The following METTL8 variants were observed in gnomAD, a reference collection of about 807,000 sequenced individuals.
The protein encoded by METTL8 is tRNA N(3)-cytidine methyltransferase METTL8, mitochondrial.
Under a neutral mutation model 48.7 loss-of-function variants are expected in METTL8, and 32 were observed. That is an observed-to-expected ratio of 0.66 (90% CI 0.50 to 0.88). The LOEUF is 0.88. Among genes scored for constraint, METTL8 ranks in the 40% least tolerant of loss-of-function variants. The pLI is 0.00. For synonymous variants in METTL8, 136 were observed against 157.1 expected, an observed-to-expected ratio of 0.87 and a Z score of 1.01; for missense variants, 464 against 474.4, an observed-to-expected ratio of 0.98 and a Z score of 0.20.
chr2:171,393,086 A>G (rs1161081417), intron 1 of METTL8, among the ~76,000 whole-genome samples: 1 of 152,078 alleles, frequency 6.6e-6, no homozygotes. Context: ...CCTGGGCAAC[A>G]GAATAAGACT....
At chr2:171,348,338 A>G (rs1219868041) in intron 3 of METTL8, among the ~76,000 whole-genome samples, 2 of 152,206 alleles carry the variant, frequency 1.3e-5, no homozygotes, top group East Asian at 3.8e-4. Context: ...TCTTTGTTGC[A>G]ACTACTCAAC....
At chr2:171,426,824 C>T (rs971990140) in intron 1 of METTL8, among the ~76,000 whole-genome samples, 22 of 152,182 alleles carry the variant, frequency 1.4e-4, no homozygotes, top group Non-Finnish European at 2.6e-4. Flanking sequence ...TCTTATATTT[C>T]ACTCTTGTTC....
intron 2 of METTL8, among the ~76,000 whole-genome samples, chr2:171,375,834 C>T (rs1686909513): frequency 6.6e-6 from 1 of 152,172 alleles, no homozygotes; most frequent in Admixed American, 6.5e-5. Flanking sequence ...TCTGTTTATA[C>T]AAAATATTGG....
chr2:171,324,934 T>C (rs1684778623), intron 9 of METTL8, among the ~76,000 whole-genome samples: 1 of 151,808 alleles, frequency 6.6e-6, no homozygotes, highest in Non-Finnish European at 1.5e-5. Context: ...TGAAACCCCT[T>C]CTCTAATAAA....
chr2:171,374,605 A>G (rs1481739979), intron 2 of METTL8, among the ~76,000 whole-genome samples: 1 of 152,102 alleles, frequency 6.6e-6, no homozygotes, highest in Admixed American at 6.5e-5. Flanking sequence ...GAACATGTCC[A>G]TTCCCTTCAA....
chr2:171,397,535 CAG>C (rs139587398), intron 1 of METTL8, among the ~76,000 whole-genome samples: 5,566 of 106,444 alleles, frequency 0.052, 175 homozygotes, highest in South Asian at 0.16. Flanking sequence ...TTCTGGGCGA[CAG>C]AGCAAAACCC....
At chr2:171,378,764 C>T (rs1687223990) in intron 2 of METTL8, among the ~76,000 whole-genome samples, 1 of 152,184 alleles carries the variant, frequency 6.6e-6, no homozygotes, top group South Asian at 2.1e-4. Flanking sequence ...AAAACAAGTT[C>T]TTAGAGACCT....
At chr2:171,359,467 G>A (rs935127550) in intron 3 of METTL8, among the ~76,000 whole-genome samples, 2 of 152,070 alleles carry the variant, frequency 1.3e-5, no homozygotes, top group African/African-American at 4.8e-5. Context: ...TTTCCTCAAA[G>A]AAGTAAAAAT....
intron 3 of METTL8, among the ~76,000 whole-genome samples, chr2:171,349,878 TATAA>T (rs1683697356): frequency 6.6e-6 from 1 of 152,214 alleles, no homozygotes; most frequent in Non-Finnish European, 1.5e-5. Flanking sequence ...ATATAATAGA[TATAA>T]ATATTTTCAG....
At chr2:171,420,311 G>A (rs948046981) in intron 1 of METTL8, among the ~76,000 whole-genome samples, 5 of 152,268 alleles carry the variant, frequency 3.3e-5, no homozygotes, top group East Asian at 3.9e-4. Flanking sequence ...TGCTCTTCCC[G>A]CTAGACTATT....
chr2:171,340,643 G>T (rs1038077878), intron 3 of METTL8, among the ~76,000 whole-genome samples: 1 of 152,034 alleles, frequency 6.6e-6, no homozygotes, highest in African/African-American at 2.4e-5. Flanking sequence ...AATGCAAATT[G>T]GTGATCAGAC....
At chr2:171,387,940 C>T (rs1688236596) in intron 2 of METTL8, among the ~76,000 whole-genome samples, 1 of 152,152 alleles carries the variant, frequency 6.6e-6, no homozygotes, top group Non-Finnish European at 1.5e-5. Flanking sequence ...AGATATCATG[C>T]CCAACTTGAC....
chr2:171,350,577 C>T (rs575890229), intron 3 of METTL8, among the ~76,000 whole-genome samples: 178 of 152,290 alleles, frequency 1.2e-3, no homozygotes, highest in Non-Finnish European at 2.3e-3. Flanking sequence ...ACAGTCCCAC[C>T]GACAGTTTAA....
chr2:171,330,339 T>C (rs979292132), intron 7 of METTL8, among the ~76,000 whole-genome samples: 1 of 152,236 alleles, frequency 6.6e-6, no homozygotes, highest in Admixed American at 6.5e-5. Context: ...GCTCACTTCA[T>C]TCTGACAGTG....
intron 1 of METTL8, among the ~76,000 whole-genome samples, chr2:171,392,981 T>C (rs183533162): frequency 8.8e-4 from 133 of 151,556 alleles, no homozygotes; most frequent in African/African-American, 3.0e-3. Context: ...TGTGAATTCC[T>C]GTAATCCCAG....
intron 2 of METTL8, among the ~76,000 whole-genome samples, chr2:171,383,589 C>G (rs551711121): frequency 6.6e-6 from 1 of 152,198 alleles, no homozygotes; most frequent in East Asian, 1.9e-4. Context: ...TGCCAATGGC[C>G]TAGCTGATGT....
chr2:171,369,274 C>T (rs1401149093), intron 2 of METTL8, among the ~76,000 whole-genome samples: 1 of 152,196 alleles, frequency 6.6e-6, no homozygotes, highest in Non-Finnish European at 1.5e-5. Context: ...CCACTGTACT[C>T]CAGCCTGGGC....
chr2:171,403,178 G>C (rs1689812218), intron 1 of METTL8, among the ~76,000 whole-genome samples: 1 of 152,138 alleles, frequency 6.6e-6, no homozygotes, highest in Non-Finnish European at 1.5e-5. Context: ...GTTCAGTGTG[G>C]AAAGGGGGAA....
At chr2:171,337,048 G>C (rs1355894292) in intron 5 of METTL8, among the ~76,000 whole-genome samples, 1 of 151,650 alleles carries the variant, frequency 6.6e-6, no homozygotes, top group East Asian at 1.9e-4. Context: ...TGTATTTTTA[G>C]TAGAGGTGGT....
Sources: allele counts gnomAD v4.1 joint callset (sites outside exome capture counted in the v4.1 genomes callset), GRCh38; gene constraint gnomAD v4.1.1; transcripts MANE v1.5; gene names NCBI Gene and HGNC (gene_info 2026-07-23, HGNC 2026-07-21).